Variants in NPHP4 observed in about 807,000 individuals in gnomAD.
NPHP4 encodes the protein nephrocystin 4, also known as nephrocystin-4.
In NPHP4, 151 loss-of-function variants were observed where a neutral mutation model predicts 155.8. The observed-to-expected ratio is 0.97, with a 90% CI of 0.85 to 1.11. NPHP4 has a LOEUF of 1.11. NPHP4 is among the 50% of genes least tolerant of loss of function. The probability of loss-of-function intolerance (pLI) is 0.00; values close to 1 mark genes in which losing one functional copy is unlikely to be tolerated. For missense variants in NPHP4, 1,956 were observed against 1,925.7 expected (o/e 1.02, Z -0.29); for synonymous variants, 845 against 816.8 (o/e 1.03, Z -0.59).
At chr1:5,875,171 G>A (rs1642455169) in intron 20 of NPHP4, 71 bp from the exon 21 acceptor site, 3 of 1,155,380 alleles carry the variant, frequency 2.6e-6, no homozygotes, top group South Asian at 1.3e-5. Context: ...ATTGCTGGCT[G>A]CCCACCACCC....
In NPHP4 at chr1:5,864,437, G is replaced by C. The variant is rs778998843; in HGVS notation, c.3897C>G (p.Gly1299=). Residue 1299 remains glycine, a synonymous_variant, in exon 28 of 30, where the codon GGC becomes GGG. Transcript: ENST00000378156. ...CCAGGTTGAGATGGACAAAGCGGCT[G>C]CCGGCCCTAAGGGGCCTCACGCCAA... ...LHVGVRPLRA[G]SRFVHLNLVD... is the part of the protein sequence containing the mutation. The C allele has an allele frequency of 4.4e-6, 7 of 1,608,836 alleles. No individual in the cohort carries two copies. The highest frequency in any genetic ancestry group is 1.7e-4 in the Middle Eastern group (1 of 6,054).
At chr1:5,953,343 A>G (rs936474827) in intron 6 of NPHP4, among the ~76,000 whole-genome samples, 2 of 152,148 alleles carry the variant, frequency 1.3e-5, no homozygotes, top group African/African-American at 2.4e-5. Context: ...TAACCTTGTG[A>G]TCCGCCTACC....
At chr1:5,880,044 C>A in intron 19 of NPHP4, 70 bp downstream of exon 19, 1 of 1,568,140 alleles carries the variant, frequency 6.4e-7, no homozygotes, top group Non-Finnish European at 8.7e-7. Context: ...CACACACACA[C>A]ACGCAGTCTT....
At chr1:5,968,012 C>A (rs1251121139) in intron 4 of NPHP4, among the ~76,000 whole-genome samples, 3 of 152,032 alleles carry the variant, frequency 2.0e-5, no homozygotes, top group Non-Finnish European at 4.4e-5. Flanking sequence ...GAGCCTGGCA[C>A]GCGACAGACA....
At chr1:5,923,171 C>T (rs977790623) in intron 11 of NPHP4, among the ~76,000 whole-genome samples, 1 of 152,176 alleles carries the variant, frequency 6.6e-6, no homozygotes, top group African/African-American at 2.4e-5. Context: ...GCTTTCAAAC[C>T]CCGGGATGAT....
intron 1 of NPHP4, among the ~76,000 whole-genome samples, chr1:5,989,840 G>A (rs191974498): frequency 9.5e-4 from 145 of 152,292 alleles, no homozygotes; most frequent in South Asian, 2.5e-3. Flanking sequence ...ACGTGCATAC[G>A]CCAGTCGACC....
chr1:5,868,646 GCA>G lies in NPHP4; in HGVS notation c.3316-752_3316-751del, dbSNP rs539291785. Among the ~76,000 whole-genome samples, 354 of 144,736 alleles carry G rather than the reference GCA, an allele frequency of 2.4e-3. 1 individual carries two copies. Among genetic ancestry groups the G allele is most frequent in the Non-Finnish European group, 3.9e-3 (259 of 66,400 alleles). The allele number at this position is 144,736 out of a possible 152,430, so 95.0% of individuals were successfully genotyped here. A position where few individuals can be genotyped will look rare whatever the true frequency, so the allele number is the denominator to read the frequency against. On this transcript the variant is annotated intron_variant, in intron 23 of 29. Coordinates refer to ENST00000378156, the MANE Select transcript of NPHP4 (RefSeq NM_015102.5). ...CACATGCAAACATGCACCCATGCATGCACACACGCATCCAGCCACAAATGCAC... is the reference window on the plus strand; with the variant it reads ...CACATGCAAACATGCACCCATGCATGCACACGCATCCAGCCACAAATGCAC...
intron 10 of NPHP4, among the ~76,000 whole-genome samples, chr1:5,929,219 G>A (rs1329421175): frequency 6.6e-6 from 1 of 152,120 alleles, no homozygotes; most frequent in African/African-American, 2.4e-5. Flanking sequence ...AGAATCTTTG[G>A]CATAGACAAT....
chr1:5,875,422 CAA>C (rs1346281358), intron 20 of NPHP4, among the ~76,000 whole-genome samples: 2 of 152,204 alleles, frequency 1.3e-5, no homozygotes, highest in Admixed American at 6.5e-5. Flanking sequence ...AAGTTTCAAA[CAA>C]GAGAAAAGAA....
At chr1:5,934,326 T>G (rs1646426364) in intron 9 of NPHP4, among the ~76,000 whole-genome samples, 2 of 152,196 alleles carry the variant, frequency 1.3e-5, no homozygotes, top group South Asian at 4.1e-4. Flanking sequence ...ACTCCTAAGA[T>G]CACAGCTGCA....
At chr1:5,948,004 A>T in intron 8 of NPHP4, 66 bp downstream of exon 8, 2 of 1,276,586 alleles carry the variant, frequency 1.6e-6, no homozygotes, top group Non-Finnish European at 2.3e-6. Context: ...ACATGCACAA[A>T]TGACCTCATT....
At chr1:5,881,828 G>A (rs562431164) in intron 18 of NPHP4, 33 of 152,398 alleles carry the variant, frequency 2.2e-4, no homozygotes, top group African/African-American at 7.7e-4. Flanking sequence ...CTGCAGACGA[G>A]CTGTTCTTGG....
intron 11 of NPHP4, among the ~76,000 whole-genome samples, chr1:5,921,857 A>T (rs1372489591): frequency 6.6e-6 from 1 of 152,252 alleles, no homozygotes; most frequent in Non-Finnish European, 1.5e-5. Flanking sequence ...TATATTTTCC[A>T]TGTGGGCAAG....
At position 5,867,686 on chromosome 1, in the gene NPHP4, C is replaced by G; in HGVS notation, c.3472+54G>C. On this transcript the variant is annotated intron_variant, in intron 24 of 29. Coordinates refer to ENST00000378156, the MANE Select transcript of NPHP4 (RefSeq NM_015102.5). This position sits in a 1 kb window ranked among gnomAD's most constrained non-coding sequence, Gnocchi z 4.1. ...ATCTGTCACCCTCAAGAGGTATCTA[C>G]TTCCAACAGGTGAGCCTGCAACATG... 6.3e-7 allele frequency: 1 copy of G among 1,586,614 alleles called. No individual in the cohort carries two copies. Among genetic ancestry groups the G allele is most frequent in the East Asian group, 2.2e-5 (1 of 44,662 alleles).
rs1236312684 is a variant in NPHP4, at chr1:5,927,781, G to A, written c.1309C>T (p.Gln437Ter). 1 of 1,609,602 alleles carries A rather than the reference G, an allele frequency of 6.2e-7. No homozygotes were observed. The highest frequency in any genetic ancestry group is 1.1e-5 in the South Asian group (1 of 90,958). The change falls in exon 11 of 30, where the codon CAG becomes TAG. Residue 437 changes from glutamine to a stop codon, truncating the protein, a stop_gained. Coordinates refer to ENST00000378156, the MANE Select transcript of NPHP4 (RefSeq NM_015102.5). LOFTEE classifies it high-confidence loss of function. ...SASMSSEEVK[Q>*]VESGTLRFQF... ...AACCGGAGTGTACCCGACTCCACCT[G>A]CTTCACCTGCAATGGACCAGAAGAG...
At chr1:5,923,699 C>T (rs574152627) in intron 11 of NPHP4, among the ~76,000 whole-genome samples, 30 of 152,286 alleles carry the variant, frequency 2.0e-4, no homozygotes, top group Non-Finnish European at 3.4e-4. Context: ...AATAATCAGC[C>T]CTAGATGAAA....
At chr1:5,864,950 T>G in intron 27 of NPHP4, 152 bp downstream of exon 27, 1 of 702,414 alleles carries the variant, frequency 1.4e-6, no homozygotes, top group Non-Finnish European at 2.4e-6. Context: ...GAAAGGCAAC[T>G]GCCGAGAGGC....
intron 23 of NPHP4, among the ~76,000 whole-genome samples, chr1:5,872,891 AG>A (rs1006347381): frequency 1.3e-5 from 2 of 152,172 alleles, no homozygotes; most frequent in African/African-American, 4.8e-5. Flanking sequence ...TCTTATTTCC[AG>A]GAAGAACCAC....
At chr1:5,988,662 A>C (rs374382144) in intron 1 of NPHP4, among the ~76,000 whole-genome samples, 4 of 152,346 alleles carry the variant, frequency 2.6e-5, no homozygotes, top group South Asian at 4.1e-4. Flanking sequence ...AAGTTTGAGA[A>C]GGGTTGTGCT....
Sources: gnomAD v4.1 joint callset for allele counts (sites outside exome capture counted in the v4.1 genomes callset) on GRCh38, gnomAD v4.1.1 for gene constraint, Gnocchi (gnomAD v3.1) non-coding constraint, MANE v1.5 for transcripts, NCBI Gene and HGNC (gene_info 2026-07-23, HGNC 2026-07-21) for gene names.